The following HIP1 variants were observed in gnomAD, a reference collection of about 807,000 sequenced individuals.
HIP1 encodes the protein huntingtin interacting protein 1.
In HIP1, 65 loss-of-function variants were observed where a neutral mutation model predicts 147.6. That is an observed-to-expected ratio of 0.44 (90% CI 0.36 to 0.54). The LOEUF (loss-of-function observed/expected upper bound fraction) is 0.54. Among genes scored for constraint, HIP1 ranks in the 20% least tolerant of loss-of-function variants. The pLI is 0.00. For synonymous variants in HIP1, 479 were observed against 504.0 expected (o/e 0.95, Z 0.67); for missense variants, 1,061 against 1,299.6 (o/e 0.82, Z 2.82).
intron 7 of HIP1, among the ~76,000 whole-genome samples, chr7:75,576,393 T>G (rs184055232): frequency 6.6e-5 from 10 of 152,300 alleles, no homozygotes; most frequent in Admixed American, 6.5e-4. Flanking sequence ...TGCTGTATGT[T>G]GGGATGTCAG....
chr7:75,688,740 C>T (rs1425646952), intron 1 of HIP1, among the ~76,000 whole-genome samples: 1 of 152,146 alleles, frequency 6.6e-6, no homozygotes, highest in Non-Finnish European at 1.5e-5. Flanking sequence ...CCAGCTCTGC[C>T]CCCCAACAGC....
At chr7:75,699,757 C>G (rs1440087178) in intron 1 of HIP1, among the ~76,000 whole-genome samples, 5 of 152,204 alleles carry the variant, frequency 3.3e-5, no homozygotes, top group African/African-American at 1.2e-4. Context: ...TGGGTTCCTC[C>G]TTCATCTGGC....
Position 75,675,224 on chromosome 7 carries a change from G to T in HIP1, c.120+63577C>A, listed in dbSNP as rs553270577. 2.0e-5 allele frequency among the ~76,000 whole-genome samples: 3 copies of T among 151,776 alleles called. 1 individual carries two copies. Among genetic ancestry groups the T allele is most frequent in the Admixed American group, 2.0e-4 (3 of 15,192 alleles). Reference sequence around the variant, plus strand: ...TACTGATTTTTTTTCTTTTTGAGATGAAGTCTTGCTCTGCTGCCCAGGCTG... The same window carrying T: ...TACTGATTTTTTTTCTTTTTGAGATTAAGTCTTGCTCTGCTGCCCAGGCTG... On this transcript the variant is annotated intron_variant, in intron 1 of 30. Coordinates refer to ENST00000336926, the MANE Select transcript of HIP1 (RefSeq NM_005338.7).
chr7:75,541,707 AAAAC>A, intron 29 of HIP1, among the ~76,000 whole-genome samples: 1 of 131,362 alleles, frequency 7.6e-6, no homozygotes, highest in Middle Eastern at 3.8e-3. Flanking sequence ...AAAAAGAAAA[AAAAC>A]AAAACAAGAC....
intron 12 of HIP1, 82 bp downstream of exon 12, chr7:75,561,991 T>C (rs1317985848): frequency 2.4e-6 from 2 of 820,974 alleles, no homozygotes; most frequent in African/African-American, 3.4e-5. Context: ...TCATTAAGAA[T>C]TCCTCTTTGG....
chr7:75,561,817 CT>C (rs112395023), intron 12 of HIP1, among the ~76,000 whole-genome samples: 17 of 152,112 alleles, frequency 1.1e-4, no homozygotes, highest in African/African-American at 4.1e-4. Flanking sequence ...AATTTTTTTA[CT>C]TTTATTTAAT....
intron 1 of HIP1, among the ~76,000 whole-genome samples, chr7:75,619,255 G>A (rs961864660): frequency 3.3e-5 from 5 of 152,162 alleles, no homozygotes; most frequent in African/African-American, 1.2e-4. Flanking sequence ...GGGCACAGTG[G>A]CTCATGCCTG....
chr7:75,614,267 C>T (rs1192086852), intron 1 of HIP1, among the ~76,000 whole-genome samples: 1 of 152,226 alleles, frequency 6.6e-6, no homozygotes, highest in Non-Finnish European at 1.5e-5. Flanking sequence ...TCTGAAACTC[C>T]TGGGCTCAAG....
chr7:75,576,827 A>G (rs66757770), intron 7 of HIP1, among the ~76,000 whole-genome samples: 24,469 of 152,230 alleles, frequency 0.16, 2,236 homozygotes, highest in Middle Eastern at 0.27. Context: ...ATCACCCACA[A>G]TAGTGCTATC....
intron 1 of HIP1, among the ~76,000 whole-genome samples, chr7:75,689,765 T>C (rs946841422): frequency 6.6e-6 from 1 of 152,078 alleles, no homozygotes; most frequent in Non-Finnish European, 1.5e-5. Context: ...CTCCCTTAGG[T>C]ATCTCTCTGA....
intron 9 of HIP1, among the ~76,000 whole-genome samples, chr7:75,566,801 T>C (rs1418066842): frequency 6.6e-6 from 1 of 151,128 alleles, no homozygotes; most frequent in Non-Finnish European, 1.5e-5. Flanking sequence ...CCTAAATGGA[T>C]GATGGCAGTA....
intron 4 of HIP1, among the ~76,000 whole-genome samples, chr7:75,589,109 C>A (rs1796386756): frequency 6.6e-6 from 1 of 150,520 alleles, no homozygotes. Flanking sequence ...GAGATCGTGC[C>A]ATTGCCCTCC....
chr7:75,556,278 C>T (rs1795003244), intron 17 of HIP1, 109 bp from the exon 18 acceptor site: 1 of 1,288,454 alleles, frequency 7.8e-7, no homozygotes, highest in Non-Finnish European at 1.1e-6. Context: ...AAGGTGATGG[C>T]TCTTTAACCT....
At chr7:75,685,249 C>A (rs1323849597) in intron 1 of HIP1, among the ~76,000 whole-genome samples, 1 of 143,596 alleles carries the variant, frequency 7.0e-6, no homozygotes, top group Admixed American at 7.6e-5. Context: ...CCCGTTTCTA[C>A]CAAAAAAAAC....
chr7:75,709,176 G>A (rs546790673), intron 1 of HIP1, among the ~76,000 whole-genome samples: 4 of 146,930 alleles, frequency 2.7e-5, no homozygotes, highest in East Asian at 2.0e-4. Flanking sequence ...GCAATGGCCC[G>A]GTCTTGGCTC....
intron 27 of HIP1, among the ~76,000 whole-genome samples, chr7:75,543,487 G>A (rs782687197): frequency 6.6e-6 from 1 of 152,066 alleles, no homozygotes; most frequent in Admixed American, 6.6e-5. Context: ...AAGCAGCTGG[G>A]ATTACAAGTG....
intron 1 of HIP1, among the ~76,000 whole-genome samples, chr7:75,676,602 C>A (rs1554516060): frequency 6.6e-6 from 1 of 151,498 alleles, no homozygotes; most frequent in Non-Finnish European, 1.5e-5. Flanking sequence ...CATGGTGAAA[C>A]CCCGTCTCTA....
chr7:75,651,546 T>C (rs1554511972), intron 1 of HIP1, among the ~76,000 whole-genome samples: 1 of 148,794 alleles, frequency 6.7e-6, no homozygotes, highest in Admixed American at 6.8e-5. Context: ...AAAGTAGGGA[T>C]GCTGAATGCA....
At chr7:75,604,793 C>T (rs1157430182) in intron 1 of HIP1, among the ~76,000 whole-genome samples, 6 of 152,200 alleles carry the variant, frequency 3.9e-5, no homozygotes, top group African/African-American at 1.4e-4. Context: ...CTAAAAATAA[C>T]TGTTCCTACT....
Sources: allele counts gnomAD v4.1 joint callset (sites outside exome capture counted in the v4.1 genomes callset), GRCh38; gene constraint gnomAD v4.1.1; transcripts MANE v1.5; gene names NCBI Gene and HGNC (gene_info 2026-07-23, HGNC 2026-07-21).